The following PHGR1 variants were observed in gnomAD, a reference collection of about 807,000 sequenced individuals.
PHGR1 encodes proline, histidine and glycine rich 1.
In PHGR1, 3 loss-of-function variants were observed where a neutral mutation model predicts 4.9. The observed-to-expected ratio is 0.61, with a 90% CI of 0.28 to 1.58. The LOEUF (loss-of-function observed/expected upper bound fraction) is 1.58, where lower values mean the gene tolerates loss of function less well. PHGR1 is among the 40% of genes most tolerant of loss of function. PHGR1 has a pLI of 0.11. For missense variants in PHGR1, 81 were observed against 118.7 expected (o/e 0.68, Z 1.48); for synonymous variants, 32 against 46.1 (o/e 0.69, Z 1.24).
chr15:40,353,160 CAT>C, intron 1 of PHGR1, 70 bp from the exon 2 acceptor site: 1 of 1,373,582 alleles, frequency 7.3e-7, no homozygotes, highest in Non-Finnish European at 1.0e-6. Flanking sequence ...CGCGCGCGCG[CAT>C]CCGTGGGAGG....
chr15:40,352,834 G>A (rs775363626), intron 1 of PHGR1, among the ~76,000 whole-genome samples: 1 of 152,150 alleles, frequency 6.6e-6, no homozygotes, highest in South Asian at 2.1e-4. Flanking sequence ...CCTGGCACAG[G>A]GCAGACACAC....
chr15:40,353,080 G>C (rs1438571488), intron 1 of PHGR1, among the ~76,000 whole-genome samples, 152 bp from the exon 2 acceptor site: 3 of 151,660 alleles, frequency 2.0e-5, no homozygotes, highest in Non-Finnish European at 4.4e-5. Flanking sequence ...AAGCCGGAGG[G>C]AGCAGTTTTT....
chr15:40,354,812 C>T (rs1042090042), intron 3 of PHGR1, among the ~76,000 whole-genome samples: 4 of 152,246 alleles, frequency 2.6e-5, no homozygotes, highest in Admixed American at 1.3e-4. Context: ...TGGCTACCAC[C>T]AGCAGACTCA....
intron 3 of PHGR1, 137 bp from the exon 4 acceptor site, chr15:40,355,936 C>T (rs1319933548): frequency 4.5e-6 from 4 of 879,854 alleles, no homozygotes; most frequent in Non-Finnish European, 7.3e-6. Context: ...GCTACCCATG[C>T]CCCCAGCCCT....
At position 40,356,179 on chromosome 15, in the gene PHGR1, C is replaced by A; in HGVS notation, c.125C>A (p.Pro42His). 1 of 1,472,308 alleles carries A rather than the reference C, an allele frequency of 6.8e-7. No homozygotes were observed. The highest frequency in any genetic ancestry group is 9.0e-7 in the Non-Finnish European group (1 of 1,107,512). 91.2% of individuals were successfully genotyped at this position (1,472,308 alleles called of 1,614,324 possible). A position where few individuals can be genotyped will look rare whatever the true frequency, so the allele number is the denominator to read the frequency against. ...CGPPPHHGPG[P>H]CGPPPGHGPG... ...CCACCCCCCCACCATGGTCCAGGGC[C>A]CTGCGGGCCACCCCCTGGCCATGGC... is the stretch of plus-strand genomic sequence containing the variant. The change falls in exon 4 of 4, where the codon CCC becomes CAC. Residue 42 changes from proline (P) to histidine (H), a missense_variant. Coordinates refer to ENST00000448599, the MANE Select transcript of PHGR1 (RefSeq NM_001145643.2).
At position 40,356,383 on chromosome 15, in the gene PHGR1, A is replaced by G. The variant is rs1889302761; in HGVS notation, c.*80A>G. 2 of 1,544,796 alleles carry G rather than the reference A, an allele frequency of 1.3e-6. No homozygotes were observed. Among genetic ancestry groups the G allele is most frequent in the Non-Finnish European group, 1.8e-6 (2 of 1,142,588 alleles). Reference sequence around the variant, plus strand: ...GACCTGGAATGAGGCCTAAACCACAATCTTCTCTTCCTAATAAACAGCCTC... The same window carrying G: ...GACCTGGAATGAGGCCTAAACCACAGTCTTCTCTTCCTAATAAACAGCCTC... On this transcript the variant is annotated 3_prime_UTR_variant, in exon 4 of 4. Transcript: ENST00000448599.
intron 1 of PHGR1, among the ~76,000 whole-genome samples, chr15:40,351,753 T>G (rs1255823168): frequency 6.6e-6 from 1 of 152,100 alleles, no homozygotes; most frequent in Non-Finnish European, 1.5e-5. Context: ...ATTTTTTTTT[T>G]TGAGACAGAG....
rs1037788705 is a variant in PHGR1, at chr15:40,354,280, G to A, written c.11-65G>A. 4 of 1,408,902 alleles carry A rather than the reference G, an allele frequency of 2.8e-6. No individual in the cohort carries two copies. In the African/African-American group the frequency reaches 5.8e-5, roughly 20 times the overall value. 87.3% of individuals were successfully genotyped at this position (1,408,902 alleles called of 1,614,324 possible). A position where few individuals can be genotyped will look rare whatever the true frequency, so the allele number is the denominator to read the frequency against. On this transcript the variant is annotated intron_variant, in intron 2 of 3. Transcript: ENST00000448599. ...ATCCTTAGTGCCAGGGAGAAGACAG[G>A]TTTTTTTTTACTGCAGAACCAAATG...
Position 40,356,267 on chromosome 15 carries a change from T to A in PHGR1, c.213T>A (p.His71Gln). 2 of 1,545,128 alleles carry A rather than the reference T, an allele frequency of 1.3e-6. No individual in the cohort carries two copies. The highest frequency in any genetic ancestry group is 1.7e-6 in the Non-Finnish European group (2 of 1,144,700). The change falls in exon 4 of 4, where the codon CAT becomes CAA. Residue 71 changes from histidine (H) to glutamine (Q), a missense_variant. Physicochemically the swap from His to Gln is conservative, Grantham distance 24. Transcript: ENST00000448599. ...GPGPCGPPPG[H>Q]GPGHPPPGPH... ...GGCCCTGCGGGCCTCCCCCTGGCCA[T>A]GGCCCAGGTCACCCACCCCCTGGTC...
intron 2 of PHGR1, 68 bp from the exon 3 acceptor site, chr15:40,354,277 C>T (rs372953189): frequency 5.9e-5 from 89 of 1,506,936 alleles, no homozygotes; most frequent in Non-Finnish European, 7.9e-5. Context: ...AGGGAGAAGA[C>T]AGGTTTTTTT....
intron 2 of PHGR1, among the ~76,000 whole-genome samples, chr15:40,354,070 T>C (rs1336944794): frequency 6.6e-6 from 1 of 152,138 alleles, no homozygotes; most frequent in African/African-American, 2.4e-5. Flanking sequence ...CAAGAACCCA[T>C]ACCTCCTAAC....
chr15:40,355,702 G>A (rs1018002815), intron 3 of PHGR1, among the ~76,000 whole-genome samples: 4 of 152,146 alleles, frequency 2.6e-5, no homozygotes, highest in African/African-American at 9.7e-5. Flanking sequence ...CAATGAGCCT[G>A]CAGTTCCTAG....
Position 40,356,341 on chromosome 15 carries a change from G to A in PHGR1, c.*38G>A. On this transcript the variant is annotated 3_prime_UTR_variant, in exon 4 of 4. Coordinates refer to ENST00000448599, the MANE Select transcript of PHGR1 (RefSeq NM_001145643.2). The stretch of plus-strand genomic sequence containing the variant: ...AAACAGGACACAAGATGGCAAGCCT[G>A]AGAGAATTGCCCAGCTGACCTGGAA... 6.5e-7 allele frequency: 1 copy of A among 1,549,602 alleles called. No homozygotes were observed. The highest frequency in any genetic ancestry group is 8.7e-7 in the Non-Finnish European group (1 of 1,146,548).
At chr15:40,354,424 C>T (rs1421571377) in intron 3 of PHGR1, 72 bp downstream of exon 3, 1 of 1,464,584 alleles carries the variant, frequency 6.8e-7, no homozygotes, top group African/African-American at 1.4e-5. Flanking sequence ...TAGCCTCCTT[C>T]CTAGACCCTC....
chr15:40,352,925 G>A (rs1415170272), intron 1 of PHGR1, among the ~76,000 whole-genome samples: 1 of 152,172 alleles, frequency 6.6e-6, no homozygotes, highest in African/African-American at 2.4e-5. Context: ...TGAGTCTAGG[G>A]GGGCAAGTGT....
At chr15:40,355,278 G>A (rs1889274914) in intron 3 of PHGR1, among the ~76,000 whole-genome samples, 1 of 152,094 alleles carries the variant, frequency 6.6e-6, no homozygotes, top group East Asian at 1.9e-4. Flanking sequence ...GACTGAGGCA[G>A]AAAAGCTTTG....
rs1463766687 is a variant in PHGR1 at position 40,356,090 on chromosome 15, G to C, written c.36G>C (p.Gly12=). 3 of 1,549,618 alleles carry C rather than the reference G, an allele frequency of 1.9e-6. No individual in the cohort carries two copies. The highest frequency in any genetic ancestry group is 2.6e-6 in the Non-Finnish European group (3 of 1,146,790). ...TTCCACAGGGGCACTGCCACTGTGG[G>C]GGGCATGGCCATCCTCCAGGTCACT... is the stretch of plus-strand genomic sequence containing the variant. The part of the protein sequence containing the change: ...DPGPKGHCHC[G]GHGHPPGHCG... Residue 12 remains glycine (G), a synonymous_variant, in exon 4 of 4, where the codon GGG becomes GGC. Transcript: ENST00000448599.
Position 40,356,227 on chromosome 15 carries a change from C to T in PHGR1, c.173C>T (p.Pro58Leu). The change falls in exon 4 of 4, where the codon CCC becomes CTC. Residue 58 changes from proline to leucine, a missense_variant. Coordinates refer to ENST00000448599, the MANE Select transcript of PHGR1 (RefSeq NM_001145643.2). ...GGCCCAGGGCCCTGCGGGCCACCCC[C>T]CCACCATGGTCCAGGGCCCTGCGGG... ...GHGPGPCGPP[P>L]HHGPGPCGPP... 3 of 1,530,672 alleles carry T rather than the reference C, an allele frequency of 2.0e-6. No homozygotes were observed. The highest frequency in any genetic ancestry group is 2.6e-6 in the Non-Finnish European group (3 of 1,134,254). 94.8% of individuals were successfully genotyped at this position (1,530,672 alleles called of 1,614,324 possible).
chr15:40,354,237 T>C (rs750100931), intron 2 of PHGR1, 108 bp from the exon 3 acceptor site: 30 of 1,260,318 alleles, frequency 2.4e-5, no homozygotes, highest in Non-Finnish European at 3.3e-5. Flanking sequence ...CCTGTTGGGT[T>C]AGGGGTGTGG....
Sources: gnomAD v4.1 joint callset for allele counts (sites outside exome capture counted in the v4.1 genomes callset) on GRCh38, gnomAD v4.1.1 for gene constraint, MANE v1.5 for transcripts, NCBI Gene and HGNC (gene_info 2026-07-23, HGNC 2026-07-21) for gene names.